The following PSTPIP1 variants were observed in gnomAD, a reference collection of about 807,000 sequenced individuals.
PSTPIP1 encodes proline-serine-threonine phosphatase interacting protein 1.
In PSTPIP1, 66 loss-of-function variants were observed where a neutral mutation model predicts 69.6. The ratio of observed to expected loss-of-function variants is 0.95; its 90% CI spans 0.78 to 1.16. PSTPIP1 has a LOEUF of 1.16. Ranked by LOEUF, PSTPIP1 falls within the 50% of genes most tolerant of loss-of-function variation. The pLI, the probability that PSTPIP1 is intolerant of heterozygous loss-of-function variation, is 0.00. For missense variants in PSTPIP1, 603 were observed against 557.4 expected, an observed-to-expected ratio of 1.08 and a Z score of -0.82; for synonymous variants, 266 against 222.7, an observed-to-expected ratio of 1.19 and a Z score of -1.73.
intron 14 of PSTPIP1, among the ~76,000 whole-genome samples, chr15:77,036,559 T>C (rs1349003020): frequency 6.6e-6 from 1 of 152,128 alleles, no homozygotes; most frequent in Non-Finnish European, 1.5e-5. Context: ...CCACCTGGAC[T>C]GAGGCCAAGC....
At chr15:77,020,876 G>GC (rs2076146096) in intron 3 of PSTPIP1, among the ~76,000 whole-genome samples, 1 of 144,176 alleles carries the variant, frequency 6.9e-6, no homozygotes, top group African/African-American at 2.5e-5. Flanking sequence ...TGTGGGGGGG[G>GC]GGGGTGTGTG....
intron 7 of PSTPIP1, 38 bp downstream of exon 7, chr15:77,028,690 C>G (rs1385999779): frequency 6.8e-7 from 1 of 1,479,076 alleles, no homozygotes; most frequent in South Asian, 1.3e-5. Context: ...TCGCCCAGGG[C>G]TGGGGGCAGT....
chr15:77,032,382 A>C lies in PSTPIP1; in HGVS notation c.826A>C (p.Thr276Pro). 1 of 1,612,692 alleles carries C rather than the reference A, an allele frequency of 6.2e-7. No individual in the cohort carries two copies. The highest frequency in any genetic ancestry group is 8.5e-7 in the Non-Finnish European group (1 of 1,179,806). The change falls in exon 11 of 15, where the codon ACA (threonine) becomes CCA (proline). Residue 276 changes from threonine to proline, a missense_variant. Coordinates refer to ENST00000558012, the MANE Select transcript of PSTPIP1 (RefSeq NM_003978.5). ...DSFIQAKSTG[T>P]EPPAPVPYQN... ...TTTCATCCAGGCCAAGAGCACGGGC[A>C]CAGAGCCCCCCGGTGAGGTCCGGCT...
chr15:76,997,326 G>A (rs2075602032), intron 1 of PSTPIP1, among the ~76,000 whole-genome samples: 1 of 152,220 alleles, frequency 6.6e-6, no homozygotes, highest in African/African-American at 2.4e-5. Context: ...TAGCCAGTGG[G>A]AACCTCTCAC....
Position 77,037,034 on chromosome 15 carries a change from C to T in PSTPIP1, c.1120-11C>T, listed in dbSNP as rs777882130. ...CCTTCCAACGTCATGCGCTTTCAAT[C>T]TCTTGGCCAGAACCCAGATGAGCTG... On this transcript the variant is annotated splice_polypyrimidine_tract_variant and intron_variant, in intron 14 of 14. Coordinates refer to ENST00000558012, the MANE Select transcript of PSTPIP1 (RefSeq NM_003978.5). The T allele has an allele frequency of 1.2e-6, 2 of 1,611,568 alleles. No homozygotes were observed. The highest frequency in any genetic ancestry group is 3.3e-5 in the Admixed American group (2 of 59,968).
At chr15:77,024,364 CA>C (rs1248125963) in intron 3 of PSTPIP1, 1 of 152,310 alleles carries the variant, frequency 6.6e-6, no homozygotes, top group Non-Finnish European at 1.5e-5. Flanking sequence ...TCTGCTTCCC[CA>C]GGTGTCTACT....
chr15:77,029,664 T>G (rs965597742), intron 8 of PSTPIP1, 90 bp downstream of exon 8: 1 of 1,360,184 alleles, frequency 7.4e-7, no homozygotes, highest in East Asian at 2.5e-5. Flanking sequence ...ACACACACAC[T>G]CCCCCTGGCT....
chr15:77,020,416 A>C (rs2076136998), intron 3 of PSTPIP1, among the ~76,000 whole-genome samples: 1 of 152,120 alleles, frequency 6.6e-6, no homozygotes, highest in Non-Finnish European at 1.5e-5. Flanking sequence ...GCCAAGCCAC[A>C]GGGGTTCACT....
At chr15:77,021,778 C>T (rs1449956408) in intron 3 of PSTPIP1, among the ~76,000 whole-genome samples, 1 of 152,246 alleles carries the variant, frequency 6.6e-6, no homozygotes, top group African/African-American at 2.4e-5. Flanking sequence ...CCTTTCCAGC[C>T]TCTGGGCCTT....
rs1290640791 is a variant in PSTPIP1 at position 77,025,545 on chromosome 15, C to T, written c.295C>T (p.Arg99Cys). ...SSHIQLALTL[R>C]EELRSLEEFR... ...ACACATCCAGCTGGCCCTGACCCTG[C>T]GTGAGGAGCTGCGGAGTCTCGAGGA... Residue 99 changes from arginine to cysteine, a missense_variant, in exon 5 of 15, where the codon CGT becomes TGT. Transcript: ENST00000558012. The T allele has an allele frequency of 1.2e-5, 18 of 1,554,992 alleles. No homozygotes were observed. Among genetic ancestry groups the T allele is most frequent in the African/African-American group, 2.7e-5 (2 of 73,166 alleles).
At chr15:77,030,303 GCA>G (rs1342847202) in intron 8 of PSTPIP1, among the ~76,000 whole-genome samples, 197 bp from the exon 9 acceptor site, 10 of 152,258 alleles carry the variant, frequency 6.6e-5, no homozygotes, top group African/African-American at 2.4e-4. Context: ...GCAGCTCAGA[GCA>G]CAGTTGGGGA....
chr15:77,020,879 G>GGGGGT (rs1555678491), intron 3 of PSTPIP1, among the ~76,000 whole-genome samples: 2 of 128,264 alleles, frequency 1.6e-5, no homozygotes, highest in African/African-American at 5.9e-5. Flanking sequence ...GGGGGGGGGG[G>GGGGGT]GTGTGTGTGT....
At chr15:77,007,890 G>A (rs1208211076) in intron 1 of PSTPIP1, 3 of 455,764 alleles carry the variant, frequency 6.6e-6, no homozygotes, top group Non-Finnish European at 1.3e-5. Flanking sequence ...CACCGCGCCC[G>A]ACTGGCAATA....
chr15:77,011,303 G>C (rs1272938677), intron 1 of PSTPIP1, among the ~76,000 whole-genome samples: 3 of 152,206 alleles, frequency 2.0e-5, no homozygotes, highest in African/African-American at 7.2e-5. Context: ...TGGGACCCCT[G>C]GGAGTCCCTG....
chr15:77,027,640 C>T lies in PSTPIP1; in HGVS notation c.355-212C>T, dbSNP rs989638610. The T allele has an allele frequency of 1.9e-5, 12 of 622,498 alleles. No individual in the cohort carries two copies. The highest frequency in any genetic ancestry group is 1.1e-4 in the African/African-American group (6 of 55,150). 38.6% of individuals were successfully genotyped at this position (622,498 alleles called of 1,614,324 possible). A position where few individuals can be genotyped will look rare whatever the true frequency, so the allele number is the denominator to read the frequency against. On this transcript the variant is annotated intron_variant, in intron 5 of 14. Transcript: ENST00000558012. The surrounding 1 kb of genome is among the most constrained non-coding windows in gnomAD (Gnocchi z 4.3). Reference sequence around the variant, plus strand: ...TGGCCAAGGTCTGCAGCAAGGACCTCACGGCACACCCATGCCCTGTGATTC... The same window carrying T: ...TGGCCAAGGTCTGCAGCAAGGACCTTACGGCACACCCATGCCCTGTGATTC...
chr15:77,001,351 G>T (rs1470967978), intron 1 of PSTPIP1, among the ~76,000 whole-genome samples: 1 of 152,208 alleles, frequency 6.6e-6, no homozygotes. Flanking sequence ...CCTCTGGTTG[G>T]GCAGGAGCTT....
intron 3 of PSTPIP1, chr15:77,023,815 G>T: frequency 6.5e-6 from 1 of 152,908 alleles, no homozygotes; most frequent in Non-Finnish European, 1.5e-5. Flanking sequence ...GGGGTGCGGG[G>T]ACCACGCTGT....
chr15:77,035,455 G>T, intron 12 of PSTPIP1, 53 bp from the exon 13 acceptor site: 1 of 1,525,434 alleles, frequency 6.6e-7, no homozygotes. Flanking sequence ...CCCTCCTGGT[G>T]GGTCCCTGAG....
rs912204957 is a variant in PSTPIP1 at position 77,031,446 on chromosome 15, C to G, written c.741+168C>G. On this transcript the variant is annotated intron_variant, in intron 10 of 14. Transcript: ENST00000558012. ...AGCCTTTGCCCCCAGAACCCCAAGA[C>G]AGGAGCTCAGTACCACACAGGGCCA... 4 of 617,422 alleles carry G rather than the reference C, an allele frequency of 6.5e-6. No homozygotes were observed. In the African/African-American group the frequency reaches 7.4e-5, roughly 11 times the overall value. The allele number at this position is 617,422 out of a possible 1,614,324, so 38.2% of individuals were successfully genotyped here.
Sources: allele counts gnomAD v4.1 joint callset (sites outside exome capture counted in the v4.1 genomes callset), GRCh38; gene constraint gnomAD v4.1.1; non-coding constraint Gnocchi (gnomAD v3.1); transcripts MANE v1.5; gene names NCBI Gene and HGNC (gene_info 2026-07-23, HGNC 2026-07-21).